PRELID2: variants seen among roughly 807,000 people sequenced by gnomAD.
The protein encoded by PRELID2 is PRELI domain containing 2, also known as PRELI domain-containing protein 2.
A neutral mutation model predicts 28.4 loss-of-function variants in PRELID2; 25 were observed. The ratio of observed to expected loss-of-function variants is 0.88; its 90% confidence interval spans 0.64 to 1.23. PRELID2 has a LOEUF of 1.23. Among genes scored for constraint, PRELID2 ranks in the 50% most tolerant of loss-of-function variants. The pLI is 0.00. For missense variants in PRELID2, 201 were observed against 214.4 expected (o/e 0.94, Z 0.39); for synonymous variants, 76 against 71.6 (o/e 1.06, Z -0.31).
At chr5:145,320,427 C>T in the PRELID2 span, among the ~76,000 whole-genome samples, 3 of 152,166 alleles carry the variant, frequency 2.0e-5, no homozygotes, top group Non-Finnish European at 2.9e-5. Flanking sequence ...CCCGCCACTA[C>T]GCCCGGCTAA....
chr5:145,308,159 T>C, the PRELID2 span, among the ~76,000 whole-genome samples: 1 of 152,154 alleles, frequency 6.6e-6, no homozygotes, highest in African/African-American at 2.4e-5. Context: ...TGACTGATGG[T>C]CCCCTACCTA....
At chr5:145,252,187 A>G in the PRELID2 span, among the ~76,000 whole-genome samples, 1 of 152,072 alleles carries the variant, frequency 6.6e-6, no homozygotes, top group Non-Finnish European at 1.5e-5. Context: ...CAACCTCTCT[A>G]GAGGTGATGG....
intron 1 of PRELID2, among the ~76,000 whole-genome samples, chr5:145,697,056 TATATATATATATATATATATATATAC>T (rs1444367407): frequency 5.6e-4 from 67 of 119,378 alleles, no homozygotes; most frequent in African/African-American, 2.6e-3. Flanking sequence ...TATATATATA[TATATATATATATATATATATATATAC>T]ACACACACAC....
chr5:145,363,510 AGT>A, the PRELID2 span, among the ~76,000 whole-genome samples: 1 of 152,100 alleles, frequency 6.6e-6, no homozygotes, highest in Non-Finnish European at 1.5e-5. Context: ...TAATTGTGCA[AGT>A]GTTGTGACAG....
chr5:145,570,470 T>C (rs923215007), intron 1 of PRELID2, among the ~76,000 whole-genome samples: 40 of 152,352 alleles, frequency 2.6e-4, no homozygotes, highest in African/African-American at 9.6e-4. Flanking sequence ...AACTACATTT[T>C]ACAAGCATTA....
chr5:145,421,205 G>A, the PRELID2 span, among the ~76,000 whole-genome samples: 1,903 of 149,426 alleles, frequency 0.013, 28 homozygotes, highest in African/African-American at 0.044. Flanking sequence ...TTTTTTTGTT[G>A]TGTCTCTGCC....
chr5:145,613,827 G>C (rs114543770), intron 1 of PRELID2, among the ~76,000 whole-genome samples: 10,615 of 152,102 alleles, frequency 0.07, 561 homozygotes, highest in Admixed American at 0.18. Flanking sequence ...AGTTTAATGA[G>C]GTTTAGCTAT....
At chr5:145,343,227 T>G in the PRELID2 span, among the ~76,000 whole-genome samples, 1 of 151,998 alleles carries the variant, frequency 6.6e-6, no homozygotes, top group Admixed American at 6.6e-5. Context: ...TATATTCTTT[T>G]TATTGGCACA....
intron 1 of PRELID2, among the ~76,000 whole-genome samples, chr5:145,740,626 A>ATTATATATATAAATATATATATT (rs1756655556): frequency 4.8e-4 from 7 of 14,466 alleles, no homozygotes; most frequent in South Asian, 4.6e-3. Context: ...ATATATATAT[A>ATTATATATATAAATATATATATT]TTATATATAT....
intron 1 of PRELID2, among the ~76,000 whole-genome samples, chr5:145,650,182 G>A (rs556753650): frequency 1.8e-3 from 239 of 135,554 alleles, no homozygotes; most frequent in African/African-American, 7.6e-3. Context: ...CTTCCCTAGC[G>A]TTGCCCTGAA....
intron 1 of PRELID2, among the ~76,000 whole-genome samples, chr5:145,664,430 T>A (rs1303356843): frequency 6.6e-6 from 1 of 152,130 alleles, no homozygotes; most frequent in East Asian, 1.9e-4. Flanking sequence ...TCTTTCTTCC[T>A]GGCTCCTGTT....
rs111308395 is a variant in PRELID2, at chr5:145,819,055, G to A, written c.207+890C>T. On this transcript the variant is annotated intron_variant, in intron 3 of 6. Coordinates refer to ENST00000683046, the MANE Select transcript of PRELID2 (RefSeq NM_205846.3). ...GCAGTTCCCCTGCACACGCTCTCTT[G>A]CCTGCTGCCATGTAACATGTATCTG... 7.9e-5 allele frequency among the ~76,000 whole-genome samples: 12 copies of A among 152,240 alleles called. 1 individual carries two copies. The highest frequency in any genetic ancestry group is 4.1e-4 in the South Asian group (2 of 4,824).
the PRELID2 span, among the ~76,000 whole-genome samples, chr5:145,426,807 T>C: frequency 6.6e-6 from 1 of 152,156 alleles, no homozygotes; most frequent in East Asian, 1.9e-4. Flanking sequence ...CCACCTTGAA[T>C]AGAAAGAATA....
At chr5:145,474,642 A>G (rs1185255606) in intron 1 of PRELID2, among the ~76,000 whole-genome samples, 5 of 152,178 alleles carry the variant, frequency 3.3e-5, no homozygotes, top group Non-Finnish European at 4.4e-5. Flanking sequence ...ATAGAACCCA[A>G]CAAATGGGTT....
intron 1 of PRELID2, among the ~76,000 whole-genome samples, chr5:145,578,952 T>G (rs1753085007): frequency 6.6e-6 from 1 of 152,066 alleles, no homozygotes; most frequent in Admixed American, 6.6e-5. Flanking sequence ...ATGAATAAGA[T>G]CTGTATTCTT....
In PRELID2 at chr5:145,759,518, C is replaced by T. The variant is rs1757372519; in HGVS notation, c.*1018G>A. ...CCATTTCCTGGACTTCTACTATGTACTAGGCAGTGTGCTAGGTACTTCATA... is the reference window on the plus strand; with the variant it reads ...CCATTTCCTGGACTTCTACTATGTATTAGGCAGTGTGCTAGGTACTTCATA... On this transcript the variant is annotated 3_prime_UTR_variant, in exon 7 of 7. Transcript: ENST00000683046. The T allele has an allele frequency of 6.6e-6, 1 of 152,196 alleles. No individual in the cohort carries two copies. The highest frequency in any genetic ancestry group is 2.1e-4 in the South Asian group (1 of 4,836). 9.4% of individuals were successfully genotyped at this position (152,196 alleles called of 1,614,324 possible). A position where few individuals can be genotyped will look rare whatever the true frequency, so the allele number is the denominator to read the frequency against.
intron 1 of PRELID2, chr5:145,728,614 T>C: frequency 9.4e-7 from 1 of 1,065,372 alleles, no homozygotes; most frequent in Non-Finnish European, 1.4e-6. Context: ...ATGACCACTG[T>C]AACATTATAG....
the PRELID2 span, among the ~76,000 whole-genome samples, chr5:145,404,082 G>A: frequency 1.4e-4 from 22 of 152,128 alleles, no homozygotes; most frequent in Non-Finnish European, 2.8e-4. Context: ...TATCAACAAC[G>A]GCACCTGTGA....
At chr5:145,499,770 G>T (rs534709168) in intron 1 of PRELID2, among the ~76,000 whole-genome samples, 2 of 152,212 alleles carry the variant, frequency 1.3e-5, no homozygotes, top group South Asian at 2.1e-4. Context: ...CCCTGACCCC[G>T]AAATGAAAGG....
Sources: allele counts gnomAD v4.1 joint callset (sites outside exome capture counted in the v4.1 genomes callset), GRCh38; gene constraint gnomAD v4.1.1; transcripts MANE v1.5; gene names NCBI Gene and HGNC (gene_info 2026-07-23, HGNC 2026-07-21).